The following GALNT13 variants were observed in gnomAD, a reference collection of about 807,000 sequenced individuals.
GALNT13 encodes the protein polypeptide N-acetylgalactosaminyltransferase 13, also known as UDP-GalNAc:polypeptide N-acetylgalactosaminyltransferase 13.
A neutral mutation model predicts 64.2 loss-of-function variants in GALNT13; 28 were observed. The observed-to-expected ratio is 0.44, with a 90% confidence interval of 0.32 to 0.60. The LOEUF is 0.60. Ranked by LOEUF, GALNT13 falls within the 20% of genes least tolerant of loss-of-function variation. The pLI, the probability that GALNT13 is intolerant of heterozygous loss-of-function variation, is 0.05. For synonymous variants in GALNT13, 214 were observed against 224.6 expected (o/e 0.95, Z 0.42); for missense variants, 577 against 669.8 (o/e 0.86, Z 1.53).
the GALNT13 span, among the ~76,000 whole-genome samples, chr2:153,239,272 C>G: frequency 2.6e-5 from 4 of 152,040 alleles, no homozygotes; most frequent in South Asian, 2.1e-4. Context: ...AAGAACCCAT[C>G]ATCTGCAGGC....
chr2:154,322,431 G>A (rs1368734836), intron 9 of GALNT13, among the ~76,000 whole-genome samples: 4 of 151,880 alleles, frequency 2.6e-5, no homozygotes, highest in Non-Finnish European at 5.9e-5. Context: ...ATGGCACTAG[G>A]AGCAAGAGCC....
chr2:153,631,529 T>A, the GALNT13 span, among the ~76,000 whole-genome samples: 5,536 of 152,252 alleles, frequency 0.036, 131 homozygotes, highest in Middle Eastern at 0.068. Flanking sequence ...GATATCTCAT[T>A]GTGGTTTTGA....
At chr2:153,260,288 G>A in the GALNT13 span, among the ~76,000 whole-genome samples, 3 of 152,148 alleles carry the variant, frequency 2.0e-5, no homozygotes, top group Non-Finnish European at 4.4e-5. Flanking sequence ...ACCATTACCA[G>A]TGAATTTTAT....
At chr2:153,127,702 T>A in the GALNT13 span, among the ~76,000 whole-genome samples, 1 of 152,214 alleles carries the variant, frequency 6.6e-6, no homozygotes, top group Non-Finnish European at 1.5e-5. Flanking sequence ...TTTTGCATCA[T>A]TATTTTATTC....
the GALNT13 span, among the ~76,000 whole-genome samples, chr2:153,636,637 C>T: frequency 6.6e-6 from 1 of 152,106 alleles, no homozygotes; most frequent in Non-Finnish European, 1.5e-5. Context: ...AGGAACCTCT[C>T]ATCAATCATC....
the GALNT13 span, among the ~76,000 whole-genome samples, chr2:153,244,518 G>T: frequency 6.6e-6 from 1 of 152,158 alleles, no homozygotes; most frequent in Non-Finnish European, 1.5e-5. Flanking sequence ...CAGAAGCAGG[G>T]TGGGGTGTCA....
At chr2:153,075,985 G>GTGAA in the GALNT13 span, among the ~76,000 whole-genome samples, 1 of 152,032 alleles carries the variant, frequency 6.6e-6, no homozygotes, top group South Asian at 2.1e-4. Flanking sequence ...ATTTCATTGT[G>GTGAA]TGAATATTTC....
chr2:153,436,007 T>C, the GALNT13 span, among the ~76,000 whole-genome samples: 1 of 152,220 alleles, frequency 6.6e-6, no homozygotes, highest in Admixed American at 6.5e-5. Context: ...GTGCCATCAA[T>C]ACCTAATTTG....
the GALNT13 span, among the ~76,000 whole-genome samples, chr2:153,805,289 A>C: frequency 6.6e-6 from 1 of 152,064 alleles, no homozygotes; most frequent in Non-Finnish European, 1.5e-5. Flanking sequence ...AATGAAAAGA[A>C]TTATATTTTC....
At chr2:154,085,293 A>T (rs972569590) in intron 3 of GALNT13, among the ~76,000 whole-genome samples, 1 of 152,066 alleles carries the variant, frequency 6.6e-6, no homozygotes, top group Non-Finnish European at 1.5e-5. Context: ...CTAATTACTG[A>T]TTAAAACAAA....
chr2:154,381,062 T>C (rs1182697829), intron 9 of GALNT13, among the ~76,000 whole-genome samples: 2 of 152,048 alleles, frequency 1.3e-5, no homozygotes, highest in East Asian at 3.9e-4. Flanking sequence ...ATCATTTTTG[T>C]CCTATTTTCT....
At chr2:154,230,457 G>C (rs1045260922) in intron 4 of GALNT13, among the ~76,000 whole-genome samples, 1 of 151,928 alleles carries the variant, frequency 6.6e-6, no homozygotes, top group Non-Finnish European at 1.5e-5. Flanking sequence ...ACATTTACTT[G>C]GTGTTCTTTT....
chr2:154,100,805 A>G (rs1702305942), intron 3 of GALNT13, among the ~76,000 whole-genome samples: 1 of 151,946 alleles, frequency 6.6e-6, no homozygotes, highest in African/African-American at 2.4e-5. Flanking sequence ...AAAGTTTTCA[A>G]CCTTTCCCCA....
At chr2:154,090,776 T>C (rs1701765145) in intron 3 of GALNT13, among the ~76,000 whole-genome samples, 1 of 152,020 alleles carries the variant, frequency 6.6e-6, no homozygotes, top group Non-Finnish European at 1.5e-5. Context: ...CACAAACATG[T>C]ATGTCACAAA....
intron 3 of GALNT13, among the ~76,000 whole-genome samples, chr2:154,069,187 T>G (rs1385545818): frequency 6.6e-6 from 1 of 152,018 alleles, no homozygotes; most frequent in Non-Finnish European, 1.5e-5. Flanking sequence ...CTGAATGCAT[T>G]TATAGCAATC....
intron 2 of GALNT13, among the ~76,000 whole-genome samples, chr2:153,904,095 A>G (rs1688406176): frequency 6.6e-6 from 1 of 151,958 alleles, no homozygotes; most frequent in African/African-American, 2.4e-5. Context: ...TCTTCAGTGT[A>G]TGGTGTCCTT....
chr2:153,778,549 A>C, the GALNT13 span, among the ~76,000 whole-genome samples: 1 of 152,214 alleles, frequency 6.6e-6, no homozygotes, highest in East Asian at 1.9e-4. Flanking sequence ...GAGAAGAGAT[A>C]ATGGAAACAG....
the GALNT13 span, among the ~76,000 whole-genome samples, chr2:153,622,856 ATATGGATTATTAACCC>A: frequency 1.3e-5 from 2 of 152,110 alleles, no homozygotes; most frequent in Non-Finnish European, 2.9e-5. Flanking sequence ...TAGATAAATA[ATATGGATTATTAACCC>A]TATATGTAAA....
the GALNT13 span, among the ~76,000 whole-genome samples, chr2:153,265,758 C>T: frequency 2.0e-5 from 3 of 152,176 alleles, no homozygotes; most frequent in Admixed American, 2.0e-4. Flanking sequence ...TTTTGCTCTA[C>T]CTCCTCTTCC....
Sources: allele counts gnomAD v4.1 joint callset (sites outside exome capture counted in the v4.1 genomes callset), GRCh38; gene constraint gnomAD v4.1.1; transcripts MANE v1.5; gene names NCBI Gene and HGNC (gene_info 2026-07-23, HGNC 2026-07-21).